Variants in ARMH3 observed in about 807,000 individuals in gnomAD.
ARMH3 encodes armadillo like helical domain containing 3.
ARMH3 carries 60 observed loss-of-function variants against 99.1 expected under a neutral mutation model. That is an observed-to-expected ratio of 0.61 (90% CI 0.49 to 0.75). The LOEUF (loss-of-function observed/expected upper bound fraction) is 0.75, where lower values mean the gene tolerates loss of function less well. Among genes scored for constraint, ARMH3 ranks in the 30% least tolerant of loss-of-function variants. The pLI, the probability that ARMH3 is intolerant of heterozygous loss-of-function variation, is 0.00. For missense variants in ARMH3, 679 were observed against 843.1 expected, an observed-to-expected ratio of 0.81 and a Z score of 2.41; for synonymous variants, 285 against 292.8, an observed-to-expected ratio of 0.97 and a Z score of 0.27.
intron 23 of ARMH3, among the ~76,000 whole-genome samples, chr10:101,937,824 G>A (rs1288279415): frequency 6.6e-6 from 1 of 152,136 alleles, no homozygotes. Context: ...TTACTGTGGT[G>A]ACATTCAAAC....
intron 17 of ARMH3, among the ~76,000 whole-genome samples, chr10:101,993,004 C>T (rs1846872787): frequency 1.3e-5 from 2 of 152,042 alleles, no homozygotes; most frequent in South Asian, 4.1e-4. Context: ...GGCGCGGTGG[C>T]TCACACCTGT....
At chr10:101,849,726 T>G (rs779678040) in intron 25 of ARMH3, 50 bp downstream of exon 25, 1 of 1,501,816 alleles carries the variant, frequency 6.7e-7, no homozygotes, top group Non-Finnish European at 9.2e-7. Context: ...CAGAACCCAG[T>G]GGCTGGGGGC....
Position 101,876,653 on chromosome 10 carries a change from G to A in ARMH3, c.1860+12759C>T, listed in dbSNP as rs895988181. On this transcript the variant is annotated intron_variant, in intron 24 of 25. Coordinates refer to ENST00000370033, the MANE Select transcript of ARMH3 (RefSeq NM_024541.3). ...TAATAGAGATACAAGTTTGCATAATGACACATGTGGCCTCTGATGTTACTG... is the reference window on the plus strand; with the variant it reads ...TAATAGAGATACAAGTTTGCATAATAACACATGTGGCCTCTGATGTTACTG... Among the ~76,000 whole-genome samples the A allele has an allele frequency of 2.6e-5, 4 of 152,152 alleles. No homozygotes were observed. In the East Asian group the frequency reaches 5.8e-4, roughly 22 times the overall value.
chr10:102,015,391 A>G (rs201391301), intron 8 of ARMH3, among the ~76,000 whole-genome samples: 1 of 141,982 alleles, frequency 7.0e-6, no homozygotes, highest in African/African-American at 2.6e-5. Flanking sequence ...AGGTTTTGGG[A>G]TTTTTTTTTT....
intron 17 of ARMH3, among the ~76,000 whole-genome samples, chr10:101,992,472 A>G (rs553563948): frequency 3.3e-5 from 5 of 151,936 alleles, no homozygotes; most frequent in African/African-American, 1.2e-4. Context: ...AAATAAAGAA[A>G]GTTTTACATC....
chr10:101,973,959 G>A (rs1845883038), intron 20 of ARMH3, among the ~76,000 whole-genome samples: 1 of 151,994 alleles, frequency 6.6e-6, no homozygotes, highest in South Asian at 2.1e-4. Context: ...ACTATCCATA[G>A]GCAGCAATAA....
At chr10:102,048,653 C>A (rs1021918758) in intron 1 of ARMH3, among the ~76,000 whole-genome samples, 1 of 152,008 alleles carries the variant, frequency 6.6e-6, no homozygotes, top group Admixed American at 6.6e-5. Context: ...GTCTCGAACT[C>A]ATCTTAAGTT....
Position 102,009,435 on chromosome 10 carries a change from A to G in ARMH3, c.893T>C (p.Ile298Thr). ...AACAGCTTCATAAAGTGCCAGAAGA[A>G]TGGCCTCATTGGTTCTAAAGAAAAA... Reference protein sequence around the residue: ...EKISVQTNEAILLALYEAVHL... With the variant: ...EKISVQTNEATLLALYEAVHL... The change falls in exon 13 of 26, where the codon ATT becomes ACT. Residue 298 changes from isoleucine (I) to threonine (T), a missense_variant. Physicochemically the swap from Ile to Thr is moderately conservative, Grantham distance 89 (BLOSUM62 -1). This residue lies in a region of ARMH3 where 10 missense variants were observed against 32.0 expected (regional missense o/e 0.31). Coordinates refer to ENST00000370033, the MANE Select transcript of ARMH3 (RefSeq NM_024541.3). The G allele has an allele frequency of 1.9e-6, 3 of 1,613,950 alleles. No individual in the cohort carries two copies. Among genetic ancestry groups the G allele is most frequent in the Non-Finnish European group, 2.5e-6 (3 of 1,179,822 alleles).
chr10:101,960,964 GCTT>G (rs1216835010), intron 20 of ARMH3, among the ~76,000 whole-genome samples: 1 of 151,664 alleles, frequency 6.6e-6, no homozygotes, highest in Non-Finnish European at 1.5e-5. Flanking sequence ...TGGGGTTACA[GCTT>G]ACTATAAATG....
intron 23 of ARMH3, among the ~76,000 whole-genome samples, chr10:101,904,877 G>T (rs1205043058): frequency 6.6e-6 from 1 of 151,272 alleles, no homozygotes; most frequent in East Asian, 1.9e-4. Context: ...ACTTGAACTC[G>T]GGAGGCAGAG....
chr10:101,945,768 T>A (rs185746324), intron 22 of ARMH3, among the ~76,000 whole-genome samples: 24 of 149,928 alleles, frequency 1.6e-4, no homozygotes, highest in African/African-American at 5.2e-4. Context: ...TCTCTGAGTG[T>A]ATACAACATA....
chr10:101,956,545 C>A, intron 22 of ARMH3, 52 bp downstream of exon 22: 2 of 1,592,636 alleles, frequency 1.3e-6, no homozygotes, highest in South Asian at 2.2e-5. Context: ...CTCTTATATG[C>A]CAAAAGCTAG....
At chr10:101,913,759 T>A (rs1842966847) in intron 23 of ARMH3, among the ~76,000 whole-genome samples, 1 of 152,186 alleles carries the variant, frequency 6.6e-6, no homozygotes, top group African/African-American at 2.4e-5. Context: ...AGTGGTCCCC[T>A]CCTTCCCGGA....
At chr10:101,954,079 C>A (rs1313687043) in intron 22 of ARMH3, among the ~76,000 whole-genome samples, 1 of 152,148 alleles carries the variant, frequency 6.6e-6, no homozygotes, top group Non-Finnish European at 1.5e-5. Context: ...GTAGTCCCAG[C>A]TACTTTGGAG....
chr10:102,005,856 C>T (rs953612228), intron 14 of ARMH3, among the ~76,000 whole-genome samples: 7 of 152,160 alleles, frequency 4.6e-5, no homozygotes, highest in African/African-American at 1.7e-4. Flanking sequence ...ATAAATCTTA[C>T]GTATCCACCA....
intron 9 of ARMH3, 92 bp downstream of exon 9, chr10:102,013,876 C>G (rs1266258418): frequency 8.5e-6 from 9 of 1,059,966 alleles, no homozygotes. Context: ...GACAGAATAG[C>G]TCTCTGCTCT....
chr10:102,020,844 T>G (rs1233737556), intron 8 of ARMH3, among the ~76,000 whole-genome samples: 1 of 142,430 alleles, frequency 7.0e-6, no homozygotes, highest in East Asian at 2.0e-4. Context: ...TAAGACTCTG[T>G]CTCAAAAAAA....
intron 2 of ARMH3, among the ~76,000 whole-genome samples, chr10:102,039,418 C>T (rs964382851): frequency 2.0e-5 from 3 of 152,222 alleles, no homozygotes; most frequent in Non-Finnish European, 4.4e-5. Flanking sequence ...GCTGGGATTA[C>T]AGGCGGGAGC....
At position 101,860,226 on chromosome 10, in the gene ARMH3, T is replaced by C. The variant is rs367910773; in HGVS notation, c.1861-10334A>G. 2.6e-5 allele frequency among the ~76,000 whole-genome samples: 4 copies of C among 152,178 alleles called. No individual in the cohort carries two copies. The South Asian group carries it at 6.2e-4, about 24-fold the overall frequency. ...AGAGGAGGGAAGAAAGAGAATGAAG[T>C]AGGTGGAGATGATATATATAGATAT... On this transcript the variant is annotated intron_variant, in intron 24 of 25. Coordinates refer to ENST00000370033, the MANE Select transcript of ARMH3 (RefSeq NM_024541.3).
Sources: allele counts gnomAD v4.1 joint callset (sites outside exome capture counted in the v4.1 genomes callset), GRCh38; gene constraint gnomAD v4.1.1; regional missense constraint gnomAD v4.1.1; transcripts MANE v1.5; gene names NCBI Gene and HGNC (gene_info 2026-07-23, HGNC 2026-07-21).